TRAPPC12: variants seen among roughly 807,000 people sequenced by gnomAD.
TRAPPC12 encodes TPR repeat protein 15.
TRAPPC12 carries 61 observed loss-of-function variants against 69.2 expected under a neutral mutation model. The observed-to-expected ratio is 0.88, with a 90% CI of 0.72 to 1.09. TRAPPC12 has a LOEUF of 1.09. TRAPPC12 is among the 50% of genes least tolerant of loss of function. TRAPPC12 has a pLI of 0.00. For missense variants in TRAPPC12, 1,101 were observed against 1,016.4 expected (o/e 1.08, Z -1.13); for synonymous variants, 469 against 438.9 (o/e 1.07, Z -0.86).
At chr2:3,381,210 G>T (rs1470916111) in intron 1 of TRAPPC12, among the ~76,000 whole-genome samples, 3 of 152,130 alleles carry the variant, frequency 2.0e-5, no homozygotes, top group Admixed American at 6.5e-5. Flanking sequence ...TGTAGTGAGT[G>T]TTCATTACAT....
intron 5 of TRAPPC12, among the ~76,000 whole-genome samples, chr2:3,436,499 C>T (rs1034862217): frequency 2.0e-5 from 3 of 151,882 alleles, no homozygotes; most frequent in East Asian, 3.9e-4. Context: ...TTTTTAATAA[C>T]ATCTTGCATT....
chr2:3,417,225 G>A (rs1558365365), intron 3 of TRAPPC12, among the ~76,000 whole-genome samples: 1 of 152,100 alleles, frequency 6.6e-6, no homozygotes, highest in African/African-American at 2.4e-5. Flanking sequence ...TGCCCTGGGT[G>A]GGTAGAGACA....
rs1665415077 is a variant in TRAPPC12, at chr2:3,460,336, G to A, written c.1677G>A (p.Lys559=). 1 of 871,430 alleles carries A rather than the reference G, an allele frequency of 1.1e-6. No individual in the cohort carries two copies. The highest frequency in any genetic ancestry group is 2.0e-6 in the Non-Finnish European group (1 of 500,636). The allele number at this position is 871,430 out of a possible 1,614,324, so 54.0% of individuals were successfully genotyped here. A position where few individuals can be genotyped will look rare whatever the true frequency, so the allele number is the denominator to read the frequency against. ...YSMANCLLLM[K]DYVLAVEAYH... is the part of the protein sequence containing the mutation. Reference sequence around the variant, plus strand: ...TGGCAAACTGTCTGCTCCTGATGAAGGTACGTGGGTGGCCAAGCAGGGCTG... The same window carrying A: ...TGGCAAACTGTCTGCTCCTGATGAAAGTACGTGGGTGGCCAAGCAGGGCTG... Residue 559 remains lysine, a splice_region_variant and synonymous_variant, in exon 8 of 12, where the codon AAG becomes AAA. Coordinates refer to ENST00000324266, the MANE Select transcript of TRAPPC12 (RefSeq NM_016030.6).
chr2:3,449,522 A>G (rs1011736181), intron 6 of TRAPPC12: 2 of 152,262 alleles, frequency 1.3e-5, no homozygotes, highest in Non-Finnish European at 2.9e-5. Flanking sequence ...CGTATTCAAC[A>G]ATGTCCATGT....
At chr2:3,424,971 G>C (rs927861870) in intron 5 of TRAPPC12, among the ~76,000 whole-genome samples, 2 of 152,254 alleles carry the variant, frequency 1.3e-5, no homozygotes, top group Non-Finnish European at 2.9e-5. Context: ...GCTCCACAGG[G>C]AAGAGCCGTC....
At chr2:3,472,795 C>T (rs550109539) in intron 9 of TRAPPC12, among the ~76,000 whole-genome samples, 1 of 152,274 alleles carries the variant, frequency 6.6e-6, no homozygotes, top group South Asian at 2.1e-4. Flanking sequence ...TAGCATGCAG[C>T]AGGGGAGAGA....
At position 3,387,657 on chromosome 2, in the gene TRAPPC12, G is replaced by A; in HGVS notation, c.34G>A (p.Ala12Thr). The A allele has an allele frequency of 6.5e-7, 1 of 1,548,520 alleles. No homozygotes were observed. Among genetic ancestry groups the A allele is most frequent in the Non-Finnish European group, 8.7e-7 (1 of 1,145,138 alleles). ...CGCTGGCGGCGGCGAGGAGACCCCG[G>A]CCCCGGAGGCCCCGCACCCCCCTCA... is the stretch of plus-strand genomic sequence containing the variant. Reference protein sequence around the residue: ...EDAGGGEETPAPEAPHPPQLA... With the variant: ...EDAGGGEETPTPEAPHPPQLA... Residue 12 changes from alanine to threonine, a missense_variant, in exon 2 of 12, where the codon GCC (alanine) becomes ACC (threonine). Physicochemically the swap from Ala to Thr is moderately conservative, Grantham distance 58. Transcript: ENST00000324266.
At chr2:3,382,750 C>T (rs935631862) in intron 1 of TRAPPC12, among the ~76,000 whole-genome samples, 1 of 152,124 alleles carries the variant, frequency 6.6e-6, no homozygotes, top group South Asian at 2.1e-4. Context: ...CATATTGAGT[C>T]CCCATCTCTA....
intron 5 of TRAPPC12, among the ~76,000 whole-genome samples, chr2:3,439,263 T>G (rs1664062595): frequency 6.6e-6 from 1 of 152,222 alleles, no homozygotes; most frequent in Non-Finnish European, 1.5e-5. Flanking sequence ...TCTGTTCAGA[T>G]CTGTTGCCCA....
chr2:3,426,370 C>T (rs764270128), intron 5 of TRAPPC12, among the ~76,000 whole-genome samples: 17 of 152,248 alleles, frequency 1.1e-4, no homozygotes, highest in Non-Finnish European at 2.2e-4. Flanking sequence ...ACGTAGGACT[C>T]TGTGTCATCC....
At position 3,470,968 on chromosome 2, in the gene TRAPPC12, G is replaced by A. The variant is rs142149594; in HGVS notation, c.1776+5273G>A. On this transcript the variant is annotated intron_variant, in intron 9 of 11. Coordinates refer to ENST00000324266, the MANE Select transcript of TRAPPC12 (RefSeq NM_016030.6). ...CAGTTGGGCTGAGAACACTGTCACCGCACCTCCTCTTTGTGTTTAAAATTT... is the reference window on the plus strand; with the variant it reads ...CAGTTGGGCTGAGAACACTGTCACCACACCTCCTCTTTGTGTTTAAAATTT... Among the ~76,000 whole-genome samples, 3 of 152,204 alleles carry A rather than the reference G, an allele frequency of 2.0e-5. No homozygotes were observed. The East Asian group carries it at 5.8e-4, about 29-fold the overall frequency.
At chr2:3,462,456 A>G (rs191410028) in intron 8 of TRAPPC12, among the ~76,000 whole-genome samples, 1 of 151,356 alleles carries the variant, frequency 6.6e-6, no homozygotes, top group East Asian at 2.1e-4. Context: ...GTATTGCAAC[A>G]GTGTGTGATC....
Position 3,479,453 on chromosome 2 carries a change from C to G in TRAPPC12, c.2200C>G (p.Leu734Val), listed in dbSNP as rs762423405. The change falls in exon 12 of 12, where the codon CTG (leucine) becomes GTG (valine). Residue 734 changes from leucine to valine, a missense_variant. Transcript: ENST00000324266. ...CAGCTTCAACACACAGTGCCTCAAG[C>G]TGGCCTAGCTGCCTCCAACACACTA... Reference protein sequence around the residue: ...GDSFNTQCLKLA With the variant: ...GDSFNTQCLKVA 6.2e-7 allele frequency: 1 copy of G among 1,613,788 alleles called. No homozygotes were observed. The highest frequency in any genetic ancestry group is 1.3e-5 in the African/African-American group (1 of 75,074).
chr2:3,467,250 C>A (rs1336726403), intron 9 of TRAPPC12, among the ~76,000 whole-genome samples: 2 of 152,144 alleles, frequency 1.3e-5, no homozygotes, highest in African/African-American at 4.8e-5. Context: ...GCGCTGTGGG[C>A]AAGAGCTTTT....
intron 3 of TRAPPC12, among the ~76,000 whole-genome samples, chr2:3,413,912 C>T (rs748724082): frequency 2.0e-5 from 3 of 152,158 alleles, no homozygotes; most frequent in Non-Finnish European, 4.4e-5. Flanking sequence ...TACGATAGTA[C>T]CCATTTGCCC....
At chr2:3,472,526 G>A (rs1137842) in intron 9 of TRAPPC12, 12,522 of 152,052 alleles carry the variant, frequency 0.082, 501 homozygotes, top group Non-Finnish European at 0.099. Context: ...TGGGGAGAGC[G>A]TCCTCCAGCC....
In TRAPPC12 at chr2:3,444,951, A is replaced by G. The variant is rs146751174; in HGVS notation, c.1530+1060A>G. Among the ~76,000 whole-genome samples the G allele has an allele frequency of 7.4e-4, 113 of 152,398 alleles. 1 individual carries two copies. The highest frequency in any genetic ancestry group is 2.7e-3 in the African/African-American group (111 of 41,598). ...GTTACCAACTTTTTTACATTTCAAC[A>G]CTTTTCTTGAATCTTAAAACGGGGT... On this transcript the variant is annotated intron_variant, in intron 6 of 11. Transcript: ENST00000324266.
intron 9 of TRAPPC12, among the ~76,000 whole-genome samples, chr2:3,468,753 G>C (rs1665934781): frequency 6.6e-6 from 1 of 152,126 alleles, no homozygotes; most frequent in African/African-American, 2.4e-5. Context: ...CTGTAGGAAG[G>C]GGCAAAAGCC....
intron 2 of TRAPPC12, 27 bp from the exon 3 acceptor site, chr2:3,401,750 G>T (rs1480914806): frequency 2.1e-6 from 3 of 1,463,204 alleles, no homozygotes; most frequent in East Asian, 4.8e-5. Flanking sequence ...TTATTGTCTT[G>T]ACATATTTTT....
Sources: gnomAD v4.1 joint callset for allele counts (sites outside exome capture counted in the v4.1 genomes callset) on GRCh38, gnomAD v4.1.1 for gene constraint, MANE v1.5 for transcripts, NCBI Gene and HGNC (gene_info 2026-07-23, HGNC 2026-07-21) for gene names.